Variants in MACROD1 observed in about 807,000 individuals in gnomAD.
MACROD1 encodes mono-ADP ribosylhydrolase 1.
In MACROD1, 31 loss-of-function variants were observed where a neutral mutation model predicts 41.4. The observed-to-expected ratio is 0.75, with a 90% CI of 0.56 to 1.01. MACROD1 has a LOEUF of 1.01. MACROD1 is among the 50% of genes least tolerant of loss of function. MACROD1 has a pLI of 0.00. For missense variants in MACROD1, 473 were observed against 460.0 expected (o/e 1.03, Z -0.26); for synonymous variants, 252 against 203.4 (o/e 1.24, Z -2.03).
At chr11:64,025,204 C>G (rs1415608057) in intron 3 of MACROD1, among the ~76,000 whole-genome samples, 2 of 152,152 alleles carry the variant, frequency 1.3e-5, no homozygotes, top group Non-Finnish European at 2.9e-5. Context: ...GTCTTGAACT[C>G]CTGACCTCAA....
chr11:64,133,230 C>A (rs540833764), intron 3 of MACROD1, among the ~76,000 whole-genome samples: 1 of 152,346 alleles, frequency 6.6e-6, no homozygotes, highest in Non-Finnish European at 1.5e-5. Flanking sequence ...TTAATCACTT[C>A]GTGCCCTTTG....
At chr11:64,159,414 G>T (rs1945719175) in intron 1 of MACROD1, among the ~76,000 whole-genome samples, 1 of 151,846 alleles carries the variant, frequency 6.6e-6, no homozygotes, top group South Asian at 2.1e-4. Context: ...GAGGATTGCT[G>T]GAGTCTGGGT....
chr11:64,150,304 G>A (rs368819124), intron 3 of MACROD1, among the ~76,000 whole-genome samples: 3 of 152,222 alleles, frequency 2.0e-5, no homozygotes, highest in African/African-American at 4.8e-5. Flanking sequence ...GGCCAGGCAC[G>A]ACCGCTACAA....
chr11:64,006,471 G>T (rs566527473), intron 4 of MACROD1, among the ~76,000 whole-genome samples: 1 of 152,262 alleles, frequency 6.6e-6, no homozygotes, highest in Admixed American at 6.5e-5. Flanking sequence ...ATGGATGGAC[G>T]ACAGTTCTGT....
intron 3 of MACROD1, among the ~76,000 whole-genome samples, chr11:64,041,199 T>TAAAAAAA (rs71045724): frequency 0.019 from 403 of 21,598 alleles, 119 homozygotes; most frequent in African/African-American, 0.061. Context: ...TAGCAAACTG[T>TAAAAAAA]AAAAAAAAAA....
intron 1 of MACROD1, among the ~76,000 whole-genome samples, chr11:64,163,125 A>ACAAG (rs2134737733): frequency 8.9e-6 from 1 of 112,956 alleles, no homozygotes; most frequent in African/African-American, 3.4e-5. Context: ...CATCTAAAAA[A>ACAAG]CAAACAAACA....
intron 3 of MACROD1, among the ~76,000 whole-genome samples, chr11:64,083,440 C>A (rs1032838413): frequency 6.6e-6 from 1 of 152,164 alleles, no homozygotes; most frequent in Non-Finnish European, 1.5e-5. Context: ...CACAGTGAGA[C>A]TCTGTCCCCC....
chr11:64,022,119 C>T (rs1460715624), intron 3 of MACROD1, among the ~76,000 whole-genome samples: 1 of 151,592 alleles, frequency 6.6e-6, no homozygotes, highest in Non-Finnish European at 1.5e-5. Flanking sequence ...GGGGCTCAGG[C>T]AAGAGCAGCC....
intron 3 of MACROD1, among the ~76,000 whole-genome samples, chr11:64,048,569 G>T (rs916360103): frequency 6.6e-6 from 1 of 152,176 alleles, no homozygotes; most frequent in Non-Finnish European, 1.5e-5. Context: ...AAGCAGGATG[G>T]TTAATAACAG....
At chr11:64,138,658 C>T (rs114399802) in intron 3 of MACROD1, 18 of 577,064 alleles carry the variant, frequency 3.1e-5, no homozygotes, top group African/African-American at 2.0e-4. Context: ...TGGTTTTTAC[C>T]GCAATTACAA....
chr11:64,020,223 C>G (rs1036500849), intron 3 of MACROD1, among the ~76,000 whole-genome samples: 2 of 152,160 alleles, frequency 1.3e-5, no homozygotes, highest in African/African-American at 2.4e-5. Context: ...TGGGCCCAGG[C>G]TGGGTAAGCT....
chr11:64,078,426 A>T (rs1390818685), intron 3 of MACROD1, among the ~76,000 whole-genome samples: 2 of 152,230 alleles, frequency 1.3e-5, no homozygotes, highest in Non-Finnish European at 2.9e-5. Flanking sequence ...AGCTGCACCG[A>T]AACATGGCCT....
chr11:64,128,208 G>T (rs558366832), intron 3 of MACROD1, among the ~76,000 whole-genome samples: 10 of 152,132 alleles, frequency 6.6e-5, no homozygotes, highest in Admixed American at 1.3e-4. Flanking sequence ...CCCAGGAAAG[G>T]ACCCAGGCTG....
chr11:64,116,253 C>A (rs756526248), intron 3 of MACROD1: 36 of 1,589,284 alleles, frequency 2.3e-5, no homozygotes, highest in Non-Finnish European at 2.9e-5. Context: ...GGCCGGACGC[C>A]CCCAGCCATC....
At chr11:64,049,492 A>AGT (rs1432410640) in intron 3 of MACROD1, among the ~76,000 whole-genome samples, 1 of 152,132 alleles carries the variant, frequency 6.6e-6, no homozygotes, top group Admixed American at 6.5e-5. Context: ...GGTATGAGGA[A>AGT]ACTGAGGCCC....
At chr11:64,153,207 C>T (rs1471408772) in intron 1 of MACROD1, among the ~76,000 whole-genome samples, 4 of 152,122 alleles carry the variant, frequency 2.6e-5, no homozygotes, top group African/African-American at 9.7e-5. Flanking sequence ...GGGCCCGCCC[C>T]GACCGCGCCA....
At chr11:64,039,766 C>T (rs1015808963) in intron 3 of MACROD1, among the ~76,000 whole-genome samples, 1 of 152,218 alleles carries the variant, frequency 6.6e-6, no homozygotes. Context: ...AGCGGCTCTG[C>T]AGATGATGTC....
At chr11:64,086,061 A>G (rs1944388426) in intron 3 of MACROD1, among the ~76,000 whole-genome samples, 1 of 152,088 alleles carries the variant, frequency 6.6e-6, no homozygotes, top group Non-Finnish European at 1.5e-5. Flanking sequence ...CTCCCTCCCT[A>G]TGGAGCCCTG....
intron 3 of MACROD1, among the ~76,000 whole-genome samples, chr11:64,050,195 C>T (rs929019926): frequency 6.6e-6 from 1 of 152,114 alleles, no homozygotes; most frequent in African/African-American, 2.4e-5. Context: ...CCCTCCCTCC[C>T]TAGACCCCAG....
Sources: allele counts gnomAD v4.1 joint callset (sites outside exome capture counted in the v4.1 genomes callset), GRCh38; gene constraint gnomAD v4.1.1; transcripts MANE v1.5; gene names NCBI Gene and HGNC (gene_info 2026-07-23, HGNC 2026-07-21).